Variants in MAPKBP1 observed in about 807,000 individuals in gnomAD.
The protein encoded by MAPKBP1 is mitogen-activated protein kinase binding protein 1.
Under a neutral mutation model 170.5 loss-of-function variants are expected in MAPKBP1, and 71 were observed. The observed-to-expected ratio is 0.42, with a 90% CI of 0.34 to 0.51. The LOEUF (loss-of-function observed/expected upper bound fraction) is 0.51, where lower values mean the gene tolerates loss of function less well. Ranked by LOEUF, MAPKBP1 falls within the 20% of genes least tolerant of loss-of-function variation. The pLI, the probability that MAPKBP1 is intolerant of heterozygous loss-of-function variation, is 0.06. For synonymous variants in MAPKBP1, 719 were observed against 757.9 expected, an observed-to-expected ratio of 0.95 and a Z score of 0.84; for missense variants, 1,598 against 1,933.0, an observed-to-expected ratio of 0.83 and a Z score of 3.25.
rs966288761 is a variant in MAPKBP1 at position 41,826,377 on chromosome 15, C to G, written c.*941C>G. 1 of 152,296 alleles carries G rather than the reference C, an allele frequency of 6.6e-6. No homozygotes were observed. The highest frequency in any genetic ancestry group is 1.5e-5 in the Non-Finnish European group (1 of 68,154). 9.4% of individuals were successfully genotyped at this position (152,296 alleles called of 1,614,324 possible). On this transcript the variant is annotated 3_prime_UTR_variant, in exon 31 of 31. Transcript: ENST00000457542. ...GACCTCAGCCACAGATGAGATCACA[C>G]GCATGCACGTGCACACATGTACACA...
At chr15:41,794,990 C>A (rs1177123228) in intron 2 of MAPKBP1, among the ~76,000 whole-genome samples, 1 of 151,754 alleles carries the variant, frequency 6.6e-6, no homozygotes, top group African/African-American at 2.4e-5. Context: ...TATGGTGAAA[C>A]CCTGTCTCTA....
At chr15:41,809,218 A>G (rs1208870691) in intron 3 of MAPKBP1, among the ~76,000 whole-genome samples, 2 of 152,204 alleles carry the variant, frequency 1.3e-5, no homozygotes, top group Non-Finnish European at 2.9e-5. Context: ...CCTTGTCTCA[A>G]AAAAACAGAG....
intron 2 of MAPKBP1, among the ~76,000 whole-genome samples, chr15:41,788,245 C>T (rs888515134): frequency 9.2e-5 from 14 of 152,228 alleles, no homozygotes; most frequent in Admixed American, 5.2e-4. Context: ...GGTCAGCCAC[C>T]GCACCCGGCC....
chr15:41,785,714 T>A (rs59959451), intron 2 of MAPKBP1, among the ~76,000 whole-genome samples: 2,888 of 151,720 alleles, frequency 0.019, 79 homozygotes, highest in African/African-American at 0.064. Flanking sequence ...TATTAAAAAA[T>A]TTTTTTTTGC....
At chr15:41,781,220 C>T (rs2064181649) in intron 2 of MAPKBP1, among the ~76,000 whole-genome samples, 2 of 152,070 alleles carry the variant, frequency 1.3e-5, no homozygotes, top group South Asian at 4.2e-4. Context: ...GGATTACAGG[C>T]ATGTGCCACC....
rs768354875 is a variant in MAPKBP1 at position 41,775,439 on chromosome 15, C to T, written c.114+50C>T. ...TTTCCAAACCCACCCTCTCCTGCTC[C>T]ATGTTCCTCGTTAACCTTCCTGTTT... On this transcript the variant is annotated intron_variant, in intron 2 of 30. Transcript: ENST00000457542. 6 of 1,354,576 alleles carry T rather than the reference C, an allele frequency of 4.4e-6. No individual in the cohort carries two copies. The South Asian group carries it at 7.0e-5, about 16-fold the overall frequency. The allele number at this position is 1,354,576 out of a possible 1,614,324, so 83.9% of individuals were successfully genotyped here. A position where few individuals can be genotyped will look rare whatever the true frequency, so the allele number is the denominator to read the frequency against.
Position 41,799,818 on chromosome 15 carries a change from A to G in MAPKBP1, c.115-5A>G. The G allele has an allele frequency of 1.2e-6, 2 of 1,612,070 alleles. No individual in the cohort carries two copies. Among genetic ancestry groups the G allele is most frequent in the Non-Finnish European group, 1.7e-6 (2 of 1,178,190 alleles). ...TAACATGTCACTTCTCTCTTCCTCT[A>G]ACAGGTGACCTTGGAGAAGGTGCTG... On this transcript the variant is annotated splice_region_variant and splice_polypyrimidine_tract_variant and intron_variant, in intron 2 of 30. Transcript: ENST00000457542.
At chr15:41,782,573 G>C (rs1354738157) in intron 2 of MAPKBP1, among the ~76,000 whole-genome samples, 1 of 152,134 alleles carries the variant, frequency 6.6e-6, no homozygotes, top group African/African-American at 2.4e-5. Flanking sequence ...GAGAGGTCAG[G>C]TGAGTAGCTG....
chr15:41,822,218 C>T lies in MAPKBP1; in HGVS notation c.3032-7C>T. On this transcript the variant is annotated splice_polypyrimidine_tract_variant and splice_region_variant and intron_variant, in intron 25 of 30. Transcript: ENST00000457542. ...GTGCGATGCCTCTCTCCCCTCCCCA[C>T]ACCCAGACTCTGAGAGCACGGAGCC... is the stretch of plus-strand genomic sequence containing the variant. 2 of 1,610,354 alleles carry T rather than the reference C, an allele frequency of 1.2e-6. No individual in the cohort carries two copies. Among genetic ancestry groups the T allele is most frequent in the Non-Finnish European group, 1.7e-6 (2 of 1,177,496 alleles).
chr15:41,808,890 A>T (rs914383179), intron 3 of MAPKBP1, among the ~76,000 whole-genome samples: 19 of 151,052 alleles, frequency 1.3e-4, no homozygotes, highest in Admixed American at 1.2e-3. Context: ...ACATGGCAAA[A>T]CCCCATCTCT....
chr15:41,790,478 C>G (rs763922137), intron 2 of MAPKBP1, among the ~76,000 whole-genome samples: 3 of 152,194 alleles, frequency 2.0e-5, no homozygotes, highest in Non-Finnish European at 4.4e-5. Context: ...AACTTTTGTT[C>G]CAGTCTTCTT....
intron 23 of MAPKBP1, 63 bp from the exon 24 acceptor site, chr15:41,821,521 C>A: frequency 7.1e-7 from 1 of 1,410,034 alleles, no homozygotes; most frequent in Non-Finnish European, 9.7e-7. Flanking sequence ...AGGGCTTACC[C>A]CCCAGCTACC....
chr15:41,783,501 A>C (rs1043964518), intron 2 of MAPKBP1, among the ~76,000 whole-genome samples: 2 of 152,186 alleles, frequency 1.3e-5, no homozygotes, highest in African/African-American at 4.8e-5. Context: ...TTCTTTGAGC[A>C]AGTACCTTGT....
In MAPKBP1 at chr15:41,826,991, G is replaced by C. The variant is rs1365766348; in HGVS notation, c.*1555G>C. 2.6e-5 allele frequency: 4 copies of C among 152,206 alleles called. No individual in the cohort carries two copies. Among genetic ancestry groups the C allele is most frequent in the African/African-American group, 9.7e-5 (4 of 41,418 alleles). The allele number at this position is 152,206 out of a possible 1,614,324, so 9.4% of individuals were successfully genotyped here. ...CCCGCCCTGCTGCGCCATAGGCAGA[G>C]GCTTATAAAGAAATGGGTTCTGGGC... On this transcript the variant is annotated 3_prime_UTR_variant, in exon 31 of 31. Coordinates refer to ENST00000457542, the MANE Select transcript of MAPKBP1 (RefSeq NM_014994.3).
In MAPKBP1 at chr15:41,820,872, C is replaced by T. The variant is rs772104084; in HGVS notation, c.2522C>T (p.Ala841Val). ...GGGTTCCTGGACCCAGCTCCTGCAG[C>T]CAACCCAGGACCCAGAAGAAGAGGG... ...SVGFLDPAPA[A>V]NPGPRRRGRW... Residue 841 changes from alanine (A) to valine (V), a missense_variant, in exon 23 of 31, where the codon GCC becomes GTC. Ala to Val is a moderately conservative substitution (Grantham distance 64). Around this residue, in one of 6 missense-constraint regions of MAPKBP1, gnomAD observed 942 missense variants for 953.2 expected, o/e 0.99. Coordinates refer to ENST00000457542, the MANE Select transcript of MAPKBP1 (RefSeq NM_014994.3). 3.1e-6 allele frequency: 5 copies of T among 1,613,930 alleles called. No homozygotes were observed. In the Admixed American group the frequency reaches 6.7e-5, roughly 22 times the overall value.
rs116145026 is a variant in MAPKBP1 at position 41,786,208 on chromosome 15, A to G, written c.114+10819A>G. On this transcript the variant is annotated intron_variant, in intron 2 of 30. Coordinates refer to ENST00000457542, the MANE Select transcript of MAPKBP1 (RefSeq NM_014994.3). The stretch of plus-strand genomic sequence containing the variant: ...TATATGCATACTAAAAAATGAGGCT[A>G]TAAATACCAAACTTGTTAATATTGG... 4.8e-3 allele frequency among the ~76,000 whole-genome samples: 730 copies of G among 152,326 alleles called. 7 individuals are homozygous for G. Among genetic ancestry groups the G allele is most frequent in the African/African-American group, 0.017 (706 of 41,558 alleles).
intron 9 of MAPKBP1, 119 bp downstream of exon 9, chr15:41,813,900 C>T (rs527674248): frequency 3.4e-6 from 4 of 1,179,494 alleles, no homozygotes; most frequent in Non-Finnish European, 4.6e-6. Flanking sequence ...ATTGGGAACA[C>T]CTCTTTAGAC....
intron 3 of MAPKBP1, among the ~76,000 whole-genome samples, chr15:41,805,809 G>C (rs1031956560): frequency 1.3e-5 from 2 of 152,114 alleles, no homozygotes; most frequent in African/African-American, 4.8e-5. Flanking sequence ...AGACCAGGTG[G>C]GCCTGAGAGA....
At chr15:41,804,827 G>C (rs1464314996) in intron 3 of MAPKBP1, among the ~76,000 whole-genome samples, 1 of 152,228 alleles carries the variant, frequency 6.6e-6, no homozygotes, top group Non-Finnish European at 1.5e-5. Flanking sequence ...TGATTTCTTA[G>C]AACTTGAAGT....
Sources: gnomAD v4.1 joint callset for allele counts (sites outside exome capture counted in the v4.1 genomes callset) on GRCh38, gnomAD v4.1.1 for gene constraint, gnomAD v4.1.1 regional missense constraint, MANE v1.5 for transcripts, NCBI Gene and HGNC (gene_info 2026-07-23, HGNC 2026-07-21) for gene names.